The following SMCR8 variants were observed in gnomAD, a reference collection of about 807,000 sequenced individuals.
SMCR8 encodes SMCR8-C9orf72 complex subunit.
Under a neutral mutation model 56.6 loss-of-function variants are expected in SMCR8, and 30 were observed. The ratio of observed to expected loss-of-function variants is 0.53; its 90% confidence interval spans 0.40 to 0.72. The LOEUF is 0.72. Among genes scored for constraint, SMCR8 ranks in the 30% least tolerant of loss-of-function variants. SMCR8 has a pLI of 0.00. For synonymous variants in SMCR8, 538 were observed against 456.0 expected (o/e 1.18, Z -2.29); for missense variants, 1,198 against 1,157.0 (o/e 1.04, Z -0.51).
At chr17:18,321,133 A>G (rs1982485007) in intron 1 of SMCR8, among the ~76,000 whole-genome samples, 1 of 152,250 alleles carries the variant, frequency 6.6e-6, no homozygotes, top group Non-Finnish European at 1.5e-5. Context: ...CCAGGAAGGA[A>G]AAAGTACTGT....
rs985704258 is a variant in SMCR8, at chr17:18,318,000, G to A, written c.2211G>A (p.Gly737=). The change falls in exon 1 of 2, where the codon GGG becomes GGA. Residue 737 remains glycine (G), a synonymous_variant. Transcript: ENST00000406438. ...GTGGGAGGACACTTGTGGTCCTGGG[G>A]GAAGATGAGGCCATAGTCAGGAAAC... The part of the protein sequence containing the change: ...LLSGRTLVVL[G]EDEAIVRKLV... The A allele has an allele frequency of 3.7e-6, 6 of 1,614,134 alleles. No homozygotes were observed. The Admixed American group carries it at 6.7e-5, about 18-fold the overall frequency.
chr17:18,318,154 C>G lies in SMCR8; in HGVS notation c.2360+5C>G. 2 of 1,608,760 alleles carry G rather than the reference C, an allele frequency of 1.2e-6. No homozygotes were observed. On this transcript the variant is annotated splice_donor_5th_base_variant and intron_variant, in intron 1 of 1. Transcript: ENST00000406438. ...GAAGCTTATTGGCTTGCAGAGGTAA[C>G]TGGTTCCAGGTGGTGGGGAAGGGCC...
Position 18,318,143 on chromosome 17 carries a change from T to G in SMCR8, c.2354T>G (p.Leu785Trp). 1 of 1,610,904 alleles carries G rather than the reference T, an allele frequency of 6.2e-7. No individual in the cohort carries two copies. The highest frequency in any genetic ancestry group is 2.2e-5 in the East Asian group (1 of 44,792). ...MDFQKWKLIG[L>W]QRVASPAGAG... ...TTTCAGAAGTGGAAGCTTATTGGCT[T>G]GCAGAGGTAACTGGTTCCAGGTGGT... The change falls in exon 1 of 2, where the codon TTG (leucine) becomes TGG (tryptophan). Residue 785 changes from leucine (L) to tryptophan (W), a missense_variant. Physicochemically the swap from Leu to Trp is moderately conservative, Grantham distance 61 (BLOSUM62 -2). Transcript: ENST00000406438.
Position 18,317,570 on chromosome 17 carries a change from A to T in SMCR8, c.1781A>T (p.Gln594Leu). 1 of 1,614,190 alleles carries T rather than the reference A, an allele frequency of 6.2e-7. No homozygotes were observed. Residue 594 changes from glutamine to leucine, a missense_variant, in exon 1 of 2, where the codon CAG (glutamine) becomes CTG (leucine). Physicochemically the swap from Gln to Leu is moderately radical, Grantham distance 113 (BLOSUM62 -2). Transcript: ENST00000406438. The part of the protein sequence containing the change: ...SCCIGKESDG[Q>L]LVLPSTPAHT... Reference sequence around the variant, plus strand: ...TGTATTGGGAAGGAGAGCGATGGTCAGTTGGTGCTGCCCTCCACTCCAGCC... The same window carrying T: ...TGTATTGGGAAGGAGAGCGATGGTCTGTTGGTGCTGCCCTCCACTCCAGCC...
intron 1 of SMCR8, 102 bp downstream of exon 1, chr17:18,318,251 C>T (rs1036729060): frequency 6.4e-6 from 7 of 1,091,400 alleles, no homozygotes; most frequent in Non-Finnish European, 9.3e-6. Context: ...TAGACAGGGC[C>T]CAGTTCCTAC....
In SMCR8 at chr17:18,316,616, A is replaced by G. The variant is rs750112242; in HGVS notation, c.827A>G (p.Asp276Gly). The change falls in exon 1 of 2, where the codon GAT (aspartate) becomes GGT (glycine). Residue 276 changes from aspartate (D) to glycine (G), a missense_variant. Coordinates refer to ENST00000406438, the MANE Select transcript of SMCR8 (RefSeq NM_144775.3). ...LCPGEMEHIQDQASQASTTSN... is the reference protein window; with the variant it reads ...LCPGEMEHIQGQASQASTTSN... Reference sequence around the variant, plus strand: ...CCTGGTGAGATGGAGCACATCCAGGATCAGGCCAGCCAGGCATCCACTACC... The same window carrying G: ...CCTGGTGAGATGGAGCACATCCAGGGTCAGGCCAGCCAGGCATCCACTACC... 15 of 1,614,170 alleles carry G rather than the reference A, an allele frequency of 9.3e-6. No individual in the cohort carries two copies. Among genetic ancestry groups the G allele is most frequent in the Non-Finnish European group, 1.3e-5 (15 of 1,180,030 alleles).
rs1382771128 is a variant in SMCR8 at position 18,327,932 on chromosome 17, G to T, written c.*4862G>T. 1 of 152,572 alleles carries T rather than the reference G, an allele frequency of 6.6e-6. No individual in the cohort carries two copies. The highest frequency in any genetic ancestry group is 1.5e-5 in the Non-Finnish European group (1 of 68,024). The allele number at this position is 152,572 out of a possible 1,614,324, so 9.5% of individuals were successfully genotyped here. On this transcript the variant is annotated 3_prime_UTR_variant, in exon 2 of 2. Transcript: ENST00000406438. ...TATTTTTGAAATATAAAAATTGGTTGTATTTTTTAAAGCTATAATTCTTGT... is the reference window on the plus strand; with the variant it reads ...TATTTTTGAAATATAAAAATTGGTTTTATTTTTTAAAGCTATAATTCTTGT...
At position 18,324,919 on chromosome 17, in the gene SMCR8, G is replaced by C. The variant is rs1194099115; in HGVS notation, c.*1849G>C. 6.6e-6 allele frequency: 1 copy of C among 152,264 alleles called. No individual in the cohort carries two copies. Among genetic ancestry groups the C allele is most frequent in the African/African-American group, 2.4e-5 (1 of 41,468 alleles). The allele number at this position is 152,264 out of a possible 1,614,324, so 9.4% of individuals were successfully genotyped here. A position where few individuals can be genotyped will look rare whatever the true frequency, so the allele number is the denominator to read the frequency against. ...GAGAGTCGCCAGCAATACCTTGGCA[G>C]CCTTTAAATGTGAAACGTCTGTTAC... On this transcript the variant is annotated 3_prime_UTR_variant, in exon 2 of 2. Transcript: ENST00000406438.
In SMCR8 at chr17:18,323,940, C is replaced by G. The variant is rs1332597266; in HGVS notation, c.*870C>G. ...CATGCAAGGGAGGAGCAGCCAGCAG[C>G]TCTCCTGGGTGGCCCACTGGCTCCT... On this transcript the variant is annotated 3_prime_UTR_variant, in exon 2 of 2. Transcript: ENST00000406438. 6.6e-6 allele frequency: 1 copy of G among 152,506 alleles called. No homozygotes were observed. The highest frequency in any genetic ancestry group is 1.5e-5 in the Non-Finnish European group (1 of 68,266). 9.4% of individuals were successfully genotyped at this position (152,506 alleles called of 1,614,324 possible).
chr17:18,322,598 C>T lies in SMCR8; in HGVS notation c.2361-19C>T. Reference sequence around the variant, plus strand: ...CCCGGCCCTTGCCCTTCCTCCTGACCTTGGCCTGTCTGTTTCAGAGTGGCC... The same window carrying T: ...CCCGGCCCTTGCCCTTCCTCCTGACTTTGGCCTGTCTGTTTCAGAGTGGCC... On this transcript the variant is annotated intron_variant, in intron 1 of 1. Coordinates refer to ENST00000406438, the MANE Select transcript of SMCR8 (RefSeq NM_144775.3). 5.0e-6 allele frequency: 8 copies of T among 1,607,998 alleles called. No homozygotes were observed. The highest frequency in any genetic ancestry group is 6.8e-6 in the Non-Finnish European group (8 of 1,176,242).
Position 18,316,614 on chromosome 17 carries a change from G to T in SMCR8, c.825G>T (p.Gln275His). ...DLCPGEMEHI[Q>H]DQASQASTTS... ...GTCCTGGTGAGATGGAGCACATCCA[G>T]GATCAGGCCAGCCAGGCATCCACTA... The change falls in exon 1 of 2, where the codon CAG becomes CAT. Residue 275 changes from glutamine to histidine, a missense_variant. Transcript: ENST00000406438. The T allele has an allele frequency of 6.2e-7, 1 of 1,614,158 alleles. No homozygotes were observed.
In SMCR8 at chr17:18,315,527, A is replaced by T. The variant is rs1388432224; in HGVS notation, c.-263A>T. On this transcript the variant is annotated 5_prime_UTR_variant, in exon 1 of 2. Coordinates refer to ENST00000406438, the MANE Select transcript of SMCR8 (RefSeq NM_144775.3). ...TTCTTGTGCTGGCCGCGCTCGCCGG[A>T]CGAAGAAGAGAAGGGCAGTTGGGCC... 9.3e-6 allele frequency: 4 copies of T among 427,848 alleles called. No homozygotes were observed. The highest frequency in any genetic ancestry group is 1.7e-5 in the Non-Finnish European group (4 of 240,042). The allele number at this position is 427,848 out of a possible 1,614,324, so 26.5% of individuals were successfully genotyped here.
Position 18,327,658 on chromosome 17 carries a change from T to C in SMCR8, c.*4588T>C, listed in dbSNP as rs1045562287. The C allele has an allele frequency of 1.5e-4, 23 of 152,238 alleles. No individual in the cohort carries two copies. Among genetic ancestry groups the C allele is most frequent in the African/African-American group, 5.3e-4 (22 of 41,440 alleles). The allele number at this position is 152,238 out of a possible 1,614,324, so 9.4% of individuals were successfully genotyped here. ...GGTTGCAGTGAAAAGCATAATCCTA[T>C]GTGATGAATTTATATGTGTTATTTT... On this transcript the variant is annotated 3_prime_UTR_variant, in exon 2 of 2. Coordinates refer to ENST00000406438, the MANE Select transcript of SMCR8 (RefSeq NM_144775.3).
Position 18,316,304 on chromosome 17 carries a change from T to G in SMCR8, c.515T>G (p.Leu172Arg). 6.2e-7 allele frequency: 1 copy of G among 1,613,980 alleles called. No homozygotes were observed. Reference sequence around the variant, plus strand: ...AAAATCATGCAGCAGTTCCAGGAGCTTTCAGCCGAATTTTCCAGAGCTTCT... The same window carrying G: ...AAAATCATGCAGCAGTTCCAGGAGCGTTCAGCCGAATTTTCCAGAGCTTCT... ...QHKIMQQFQELSAEFSRASEC... is the reference protein window; with the variant it reads ...QHKIMQQFQERSAEFSRASEC... Residue 172 changes from leucine to arginine, a missense_variant, in exon 1 of 2, where the codon CTT becomes CGT. Leu to Arg is a moderately radical substitution (Grantham distance 102, BLOSUM62 -2). Transcript: ENST00000406438.
chr17:18,321,532 C>A (rs6502646), intron 1 of SMCR8, among the ~76,000 whole-genome samples: 39,941 of 152,180 alleles, frequency 0.26, 5,613 homozygotes, highest in Non-Finnish European at 0.31. Context: ...CCACAGCGAC[C>A]CCATGAGGGA....
chr17:18,317,197 G>A lies in SMCR8; in HGVS notation c.1408G>A (p.Glu470Lys). 6.2e-7 allele frequency: 1 copy of A among 1,614,144 alleles called. No homozygotes were observed. Residue 470 changes from glutamate to lysine, a missense_variant, in exon 1 of 2, where the codon GAA (glutamate) becomes AAA (lysine). Coordinates refer to ENST00000406438, the MANE Select transcript of SMCR8 (RefSeq NM_144775.3). ...TATGAAAGGGAGTATCAGCAGTGGT[G>A]AAAGTATTGAAGTTTTGGGCACGGA... ...MDMKGSISSG[E>K]SIEVLGTEKS... is the part of the protein sequence containing the mutation.
rs753304350 is a variant in SMCR8, at chr17:18,317,425, T to C, written c.1636T>C (p.Ser546Pro). The C allele has an allele frequency of 2.5e-6, 4 of 1,614,034 alleles. No individual in the cohort carries two copies. The highest frequency in any genetic ancestry group is 3.4e-6 in the Non-Finnish European group (4 of 1,180,026). Reference protein sequence around the residue: ...SYPSAINEEESYPDGNEGAIR... With the variant: ...SYPSAINEEEPYPDGNEGAIR... ...CCCAAGTGCCATTAATGAAGAAGAA[T>C]CATATCCAGATGGCAATGAAGGAGC... The change falls in exon 1 of 2, where the codon TCA (serine) becomes CCA (proline). Residue 546 changes from serine to proline, a missense_variant. Ser to Pro is a moderately conservative substitution (Grantham distance 74). Transcript: ENST00000406438.
chr17:18,317,239 C>T lies in SMCR8; in HGVS notation c.1450C>T (p.Leu484Phe). The change falls in exon 1 of 2, where the codon CTT (leucine) becomes TTT (phenylalanine). Residue 484 changes from leucine (L) to phenylalanine (F), a missense_variant. Physicochemically the swap from Leu to Phe is conservative, Grantham distance 22. Transcript: ENST00000406438. The stretch of plus-strand genomic sequence containing the variant: ...GGGCACGGAGAAATCCACCTCCGTG[C>T]TTTCTAAATCTGACAGCCAGGCAAG... ...VLGTEKSTSV[L>F]SKSDSQASLT... 5 of 1,614,126 alleles carry T rather than the reference C, an allele frequency of 3.1e-6. No homozygotes were observed. The highest frequency in any genetic ancestry group is 3.4e-6 in the Non-Finnish European group (4 of 1,180,052).
In SMCR8 at chr17:18,327,250, CA is replaced by C. The variant is rs1982689420; in HGVS notation, c.*4181del. ...TAAAGCAGTGGAAAGGAGGAGGAGG[CA>C]GGGGTGGATGGGGGTGTGGGGAGGG... On this transcript the variant is annotated 3_prime_UTR_variant, in exon 2 of 2. Transcript: ENST00000406438. 1 of 145,678 alleles carries C rather than the reference CA, an allele frequency of 6.9e-6. No individual in the cohort carries two copies. Among genetic ancestry groups the C allele is most frequent in the Non-Finnish European group, 1.5e-5 (1 of 66,826 alleles). The allele number at this position is 145,678 out of a possible 1,614,324, so 9.0% of individuals were successfully genotyped here. A position where few individuals can be genotyped will look rare whatever the true frequency, so the allele number is the denominator to read the frequency against.
Sources: allele counts gnomAD v4.1 joint callset (sites outside exome capture counted in the v4.1 genomes callset), GRCh38; gene constraint gnomAD v4.1.1; transcripts MANE v1.5; gene names NCBI Gene and HGNC (gene_info 2026-07-23, HGNC 2026-07-21).